The following CLIP2 variants were observed in gnomAD, a reference collection of about 807,000 sequenced individuals.
CLIP2 encodes the protein CAP-Gly domain-containing linker protein 2.
In CLIP2, 41 loss-of-function variants were observed where a neutral mutation model predicts 111.7. That is an observed-to-expected ratio of 0.37 (90% CI 0.29 to 0.48). CLIP2 has a LOEUF of 0.48. Among genes scored for constraint, CLIP2 ranks in the 20% least tolerant of loss-of-function variants. The pLI, the probability that CLIP2 is intolerant of heterozygous loss-of-function variation, is 0.99. For missense variants in CLIP2, 1,160 were observed against 1,422.1 expected, an observed-to-expected ratio of 0.82 and a Z score of 2.96; for synonymous variants, 660 against 644.2, an observed-to-expected ratio of 1.02 and a Z score of -0.37.
chr7:74,298,791 G>A (rs229897), intron 1 of CLIP2, among the ~76,000 whole-genome samples: 89,639 of 151,796 alleles, frequency 0.59, 29,402 homozygotes, highest in Non-Finnish European at 0.75. Context: ...CGCCAGCCTC[G>A]GCCTCCCAAA....
intron 4 of CLIP2, among the ~76,000 whole-genome samples, chr7:74,355,951 T>G (rs913979738): frequency 8.5e-5 from 13 of 152,120 alleles, no homozygotes; most frequent in Admixed American, 8.5e-4. Flanking sequence ...CTGAACAGTC[T>G]GTGGGAGCCA....
rs1554308020 is a variant in CLIP2, at chr7:74,353,919, G to A, written c.718G>A (p.Glu240Lys). 4 of 1,614,092 alleles carry A rather than the reference G, an allele frequency of 2.5e-6. No individual in the cohort carries two copies. The highest frequency in any genetic ancestry group is 2.7e-5 in the African/African-American group (2 of 74,952). ...TKTGVVRYVG[E>K]TDFAKGEWCG... ...GACTGGCGTGGTGCGGTACGTGGGGGAGACAGACTTTGCCAAGGGCGAGTG... is the reference window on the plus strand; with the variant it reads ...GACTGGCGTGGTGCGGTACGTGGGGAAGACAGACTTTGCCAAGGGCGAGTG... The change falls in exon 4 of 17, where the codon GAG (glutamate) becomes AAG (lysine). Residue 240 changes from glutamate to lysine, a missense_variant. By Grantham distance (56) the Glu-to-Lys change is moderately conservative (BLOSUM62 1). This residue lies in a region of CLIP2 where 110 missense variants were observed against 185.2 expected (regional missense o/e 0.59). Transcript: ENST00000223398.
chr7:74,304,552 C>T (rs1395210679), intron 1 of CLIP2, among the ~76,000 whole-genome samples: 1 of 110,418 alleles, frequency 9.1e-6, no homozygotes, highest in East Asian at 2.5e-4. Flanking sequence ...GAGGGAGACT[C>T]TGACAAAAAA....
At chr7:74,295,029 C>T (rs1407591081) in intron 1 of CLIP2, among the ~76,000 whole-genome samples, 8 of 152,240 alleles carry the variant, frequency 5.3e-5, no homozygotes, top group East Asian at 1.9e-4. Flanking sequence ...GGCGTGATCT[C>T]GGCTCACTGC....
At chr7:74,315,592 A>G (rs1554729034) in intron 1 of CLIP2, among the ~76,000 whole-genome samples, 1 of 150,510 alleles carries the variant, frequency 6.6e-6, no homozygotes, top group East Asian at 2.0e-4. Context: ...TTTTTTTGAG[A>G]TGGAGCCTCA....
chr7:74,375,817 C>G, intron 9 of CLIP2, 70 bp from the exon 10 acceptor site: 1 of 1,340,918 alleles, frequency 7.5e-7, no homozygotes, highest in South Asian at 1.5e-5. Flanking sequence ...CCGGCCCCCA[C>G]CATTGTGCCC....
intron 10 of CLIP2, among the ~76,000 whole-genome samples, chr7:74,377,034 G>A (rs142349168): frequency 7.9e-5 from 12 of 152,232 alleles, no homozygotes; most frequent in South Asian, 2.1e-4. Context: ...AGGGAGAACC[G>A]AAGCTGGTCT....
At chr7:74,305,149 C>T (rs920470795) in intron 1 of CLIP2, among the ~76,000 whole-genome samples, 9 of 39,206 alleles carry the variant, frequency 2.3e-4, no homozygotes, top group African/African-American at 3.4e-4. Flanking sequence ...CACTTACGTT[C>T]CCTGTCCAGC....
At chr7:74,321,532 C>T (rs188129553) in intron 2 of CLIP2, among the ~76,000 whole-genome samples, 14 of 152,098 alleles carry the variant, frequency 9.2e-5, no homozygotes, top group East Asian at 1.9e-4. Context: ...TGCAGTGGTG[C>T]GATCTCGGCT....
intron 1 of CLIP2, among the ~76,000 whole-genome samples, chr7:74,292,094 G>A (rs1564020466): frequency 6.6e-6 from 1 of 152,068 alleles, no homozygotes; most frequent in Non-Finnish European, 1.5e-5. Context: ...GCTAATTTTA[G>A]TATTTTTAGT....
At chr7:74,371,350 C>T (rs1015377881) in intron 8 of CLIP2, among the ~76,000 whole-genome samples, 3 of 150,328 alleles carry the variant, frequency 2.0e-5, no homozygotes, top group African/African-American at 4.9e-5. Context: ...CTTGCCTGTG[C>T]GGGCTACCAG....
intron 7 of CLIP2, among the ~76,000 whole-genome samples, chr7:74,363,602 C>G (rs1790393699): frequency 1.3e-5 from 2 of 152,128 alleles, no homozygotes; most frequent in African/African-American, 4.8e-5. Context: ...ACAGTGTTGT[C>G]AGCTGGGCGC....
At chr7:74,372,401 TTGG>T (rs1323211579) in intron 8 of CLIP2, among the ~76,000 whole-genome samples, 343 of 13,414 alleles carry the variant, frequency 0.026, 25 homozygotes, top group Middle Eastern at 0.14. Context: ...AGCACAGGCC[TTGG>T]GGGGGGGGGG....
chr7:74,387,406 A>C (rs538762452), intron 12 of CLIP2, among the ~76,000 whole-genome samples: 1 of 152,066 alleles, frequency 6.6e-6, no homozygotes, highest in Admixed American at 6.6e-5. Flanking sequence ...ACACCACCAC[A>C]CCCGGCTAAT....
chr7:74,297,843 C>T (rs532171922), intron 1 of CLIP2, among the ~76,000 whole-genome samples: 75 of 151,542 alleles, frequency 4.9e-4, no homozygotes, highest in South Asian at 1.9e-3. Flanking sequence ...GATGGAGTCT[C>T]GTTCTGTCAC....
At chr7:74,384,951 G>A (rs942298934) in intron 11 of CLIP2, among the ~76,000 whole-genome samples, 2 of 151,550 alleles carry the variant, frequency 1.3e-5, no homozygotes, top group African/African-American at 4.8e-5. Flanking sequence ...ACACCAGCCT[G>A]GGAAACATAG....
chr7:74,313,821 C>A (rs1350301452), intron 1 of CLIP2, among the ~76,000 whole-genome samples: 1 of 152,170 alleles, frequency 6.6e-6, no homozygotes, highest in Non-Finnish European at 1.5e-5. Flanking sequence ...GATGGCCAGG[C>A]CTGCATTATG....
intron 2 of CLIP2, among the ~76,000 whole-genome samples, chr7:74,327,041 A>G (rs190351874): frequency 3.4e-4 from 52 of 151,944 alleles, no homozygotes; most frequent in Non-Finnish European, 6.0e-4. Context: ...AGAAACTCTC[A>G]TATATTGCTG....
chr7:74,380,663 C>T (rs1790916384), intron 10 of CLIP2, 143 bp from the exon 11 acceptor site: 4 of 635,250 alleles, frequency 6.3e-6, no homozygotes, highest in Admixed American at 5.5e-5. Context: ...CTCCCTGCCA[C>T]CGCAGCAAGT....
Sources: gnomAD v4.1 joint callset for allele counts (sites outside exome capture counted in the v4.1 genomes callset) on GRCh38, gnomAD v4.1.1 for gene constraint, gnomAD v4.1.1 regional missense constraint, MANE v1.5 for transcripts, NCBI Gene and HGNC (gene_info 2026-07-23, HGNC 2026-07-21) for gene names.